The following MTCL1 variants were observed in gnomAD, a reference collection of about 807,000 sequenced individuals.
MTCL1 encodes the protein microtubule cross-linking factor 1.
In MTCL1, 79 loss-of-function variants were observed where a neutral mutation model predicts 141.4. The ratio of observed to expected loss-of-function variants is 0.56; its 90% CI spans 0.47 to 0.67. MTCL1 has a LOEUF of 0.67. Ranked by LOEUF, MTCL1 falls within the 30% of genes least tolerant of loss-of-function variation. The pLI, the probability that MTCL1 is intolerant of heterozygous loss-of-function variation, is 0.00. For synonymous variants in MTCL1, 914 were observed against 875.8 expected (o/e 1.04, Z -0.77); for missense variants, 2,177 against 2,113.9 (o/e 1.03, Z -0.59).
chr18:8,793,430 G>A (rs986238367), intron 8 of MTCL1, among the ~76,000 whole-genome samples: 5 of 152,150 alleles, frequency 3.3e-5, no homozygotes, highest in African/African-American at 4.8e-5. Context: ...AAATGCAACT[G>A]GACAGAAAAG....
intron 4 of MTCL1, among the ~76,000 whole-genome samples, chr18:8,737,728 A>G (rs978545954): frequency 6.6e-5 from 10 of 152,192 alleles, no homozygotes; most frequent in African/African-American, 2.2e-4. Context: ...ATGGGGGGAA[A>G]GTAGCCCTTG....
At chr18:8,714,984 G>T (rs1800852219), upstream of MTCL1, among the ~76,000 whole-genome samples, 1 of 152,110 alleles carries the variant, frequency 6.6e-6, no homozygotes, top group African/African-American at 2.4e-5. Context: ...TTTTAGTAGA[G>T]ACAGGGTTTC....
intron 4 of MTCL1, among the ~76,000 whole-genome samples, chr18:8,759,462 A>C (rs1487850980): frequency 6.6e-6 from 1 of 152,224 alleles, no homozygotes; most frequent in Non-Finnish European, 1.5e-5. Context: ...CTGTACAGCT[A>C]GGAATATACA....
chr18:8,761,780 G>T (rs374290241), intron 4 of MTCL1, among the ~76,000 whole-genome samples: 2 of 152,238 alleles, frequency 1.3e-5, no homozygotes, highest in African/African-American at 4.8e-5. Context: ...ATCACATTTC[G>T]TGAGACTTAT....
chr18:8,707,922 CCTT>C (rs1382573484), intron 1 of MTCL1, among the ~76,000 whole-genome samples: 2 of 152,182 alleles, frequency 1.3e-5, no homozygotes, highest in Non-Finnish European at 2.9e-5. Context: ...ACCAACTGAG[CCTT>C]GTGGTTATTT....
At chr18:8,726,693 A>G (rs2096217673) in intron 4 of MTCL1, among the ~76,000 whole-genome samples, 1 of 152,166 alleles carries the variant, frequency 6.6e-6, no homozygotes, top group Non-Finnish European at 1.5e-5. Flanking sequence ...CGTTCAGTCC[A>G]TAATAAGGGG....
chr18:8,832,250 G>A (rs1204454928), exon 17 of MTCL1: 2 of 175,530 alleles, frequency 1.1e-5, no homozygotes, highest in Non-Finnish European at 2.4e-5. Context: ...ATTTTATTTT[G>A]TCAGTGTTAC....
rs1203542184 is a variant in MTCL1 at position 8,809,410 on chromosome 18, TA to T, written c.2604+2355del. The T allele has an allele frequency of 4.0e-6, 6 of 1,518,418 alleles. No homozygotes were observed. In the East Asian group the frequency reaches 9.9e-5, roughly 25 times the overall value. 94.1% of individuals were successfully genotyped at this position (1,518,418 alleles called of 1,614,324 possible). On this transcript the variant is annotated intron_variant, in intron 11 of 16. Coordinates refer to ENST00000359865, the Ensembl canonical transcript of MTCL1. ...TGAAAGGAAGTATGGAATGAAAGAATAAAAAGTAATCACACACATCTCTCCA... is the reference window on the plus strand; with the variant it reads ...TGAAAGGAAGTATGGAATGAAAGAATAAAAGTAATCACACACATCTCTCCA...
chr18:8,783,181 G>A (rs1440590789), intron 5 of MTCL1, among the ~76,000 whole-genome samples: 2 of 152,216 alleles, frequency 1.3e-5, no homozygotes, highest in Non-Finnish European at 2.9e-5. Flanking sequence ...AGGAGGGGTT[G>A]CGCATTCCCG....
chr18:8,738,134 G>T lies in MTCL1; in HGVS notation c.357+17638G>T, dbSNP rs997781451. ...CCTCTCCTTTCTGTTGGGTAGCTAC[G>T]CAGTGGGGTGGGCTTCCTCTCACCG... On this transcript the variant is annotated intron_variant, in intron 4 of 16. Coordinates refer to ENST00000359865, the Ensembl canonical transcript of MTCL1. Among the ~76,000 whole-genome samples, 3 of 152,116 alleles carry T rather than the reference G, an allele frequency of 2.0e-5. No individual in the cohort carries two copies. In the East Asian group the frequency reaches 5.8e-4, roughly 29 times the overall value.
chr18:8,732,128 G>C (rs931858303), intron 4 of MTCL1, among the ~76,000 whole-genome samples: 2 of 151,904 alleles, frequency 1.3e-5, no homozygotes, highest in Non-Finnish European at 2.9e-5. Flanking sequence ...TTGAGACAGG[G>C]TCTCGCTCTG....
In MTCL1 at chr18:8,786,111, C is replaced by A; in HGVS notation, c.1887+20C>A. The stretch of plus-strand genomic sequence containing the variant: ...CTGGAGGTCAGCGTGGGCAAGCAAT[C>A]CCCCCCCCCCGCCCTCCCCCTCCTT... On this transcript the variant is annotated intron_variant, in intron 7 of 16. Transcript: ENST00000359865. 4.2e-5 allele frequency: 47 copies of A among 1,128,886 alleles called. No individual in the cohort carries two copies. Among genetic ancestry groups the A allele is most frequent in the Middle Eastern group, 2.4e-4 (1 of 4,102 alleles). The allele number at this position is 1,128,886 out of a possible 1,614,324, so 69.9% of individuals were successfully genotyped here. A position where few individuals can be genotyped will look rare whatever the true frequency, so the allele number is the denominator to read the frequency against.
At chr18:8,706,490 G>T (rs2096058760) in exon 1 of MTCL1, 1 of 1,271,312 alleles carries the variant, frequency 7.9e-7, no homozygotes, top group South Asian at 2.9e-5. Context: ...CTCGCCGCGG[G>T]CGCCTGTCCC....
At chr18:8,715,074 G>A (rs1325728023), upstream of MTCL1, among the ~76,000 whole-genome samples, 1 of 152,226 alleles carries the variant, frequency 6.6e-6, no homozygotes, top group Non-Finnish European at 1.5e-5. Context: ...GGGATTACAG[G>A]CGTGAGCCAC....
At chr18:8,809,870 G>A (rs962679762) in intron 11 of MTCL1, 11 of 387,092 alleles carry the variant, frequency 2.8e-5, no homozygotes, top group Non-Finnish European at 5.2e-5. Flanking sequence ...ATATACCTGG[G>A]TGTGAATGAG....
intron 4 of MTCL1, among the ~76,000 whole-genome samples, chr18:8,777,019 C>A (rs553412444): frequency 1.6e-3 from 237 of 152,060 alleles, no homozygotes; most frequent in Non-Finnish European, 2.8e-3. Flanking sequence ...TGGATCACGA[C>A]GTCAGGAGAT....
At chr18:8,749,981 G>A (rs1274751191) in intron 4 of MTCL1, among the ~76,000 whole-genome samples, 1 of 152,032 alleles carries the variant, frequency 6.6e-6, no homozygotes, top group Non-Finnish European at 1.5e-5. Flanking sequence ...TAACCCATAG[G>A]GAATATTAAA....
upstream of MTCL1, among the ~76,000 whole-genome samples, chr18:8,714,802 C>A (rs574385668): frequency 6.7e-6 from 1 of 149,876 alleles, no homozygotes; most frequent in East Asian, 1.9e-4. Context: ...ATTTTCTTTT[C>A]TCTTTTTTTT....
In MTCL1 at chr18:8,739,838, C is replaced by T. The variant is rs1291759335; in HGVS notation, c.357+19342C>T. Among the ~76,000 whole-genome samples the T allele has an allele frequency of 3.9e-5, 6 of 152,120 alleles. No individual in the cohort carries two copies. The East Asian group carries it at 9.7e-4, about 25-fold the overall frequency. ...CCTCTGCCTCCCAGGTTCAAGCAAT[C>T]CTCCTGCCTCAGCCTCCCGAGTAGC... On this transcript the variant is annotated intron_variant, in intron 4 of 16. Coordinates refer to ENST00000359865, the Ensembl canonical transcript of MTCL1.
Sources: gnomAD v4.1 joint callset for allele counts (sites outside exome capture counted in the v4.1 genomes callset) on GRCh38, gnomAD v4.1.1 for gene constraint, MANE v1.5 for transcripts, NCBI Gene and HGNC (gene_info 2026-07-23, HGNC 2026-07-21) for gene names.